The following ABCA13 variants were observed in gnomAD, a reference collection of about 807,000 sequenced individuals.
ABCA13 encodes ATP-binding cassette sub-family A member 13.
In ABCA13, 476 loss-of-function variants were observed where a neutral mutation model predicts 478.7. The ratio of observed to expected loss-of-function variants is 0.99; its 90% CI spans 0.92 to 1.07. ABCA13 has a LOEUF of 1.07. Among genes scored for constraint, ABCA13 ranks in the 50% least tolerant of loss-of-function variants. ABCA13 has a pLI of 0.00. For synonymous variants in ABCA13, 2,252 were observed against 2,158.9 expected, an observed-to-expected ratio of 1.04 and a Z score of -1.20; for missense variants, 6,060 against 5,910.6, an observed-to-expected ratio of 1.03 and a Z score of -0.83.
chr7:48,627,018 T>C (rs2131618457), intron 59 of ABCA13: 1 of 985,460 alleles, frequency 1.0e-6, no homozygotes, highest in South Asian at 4.7e-5. Flanking sequence ...TTATAAACTC[T>C]GAAGTAGAGT....
chr7:48,623,890 G>A (rs1011073100), intron 59 of ABCA13, among the ~76,000 whole-genome samples: 2 of 152,172 alleles, frequency 1.3e-5, no homozygotes, highest in South Asian at 4.1e-4. Context: ...GAAGCCTGCA[G>A]CCTCACTTAT....
At position 48,273,878 on chromosome 7, in the gene ABCA13, G is replaced by A; in HGVS notation, c.4212G>A (p.Leu1404=). 1 of 1,612,576 alleles carries A rather than the reference G, an allele frequency of 6.2e-7. No homozygotes were observed. The highest frequency in any genetic ancestry group is 1.1e-5 in the South Asian group (1 of 90,988). ...TATGGTTAGATGTCATAAACCATTT[G>A]TATTTGTTGTCTAACTCCAGTTTTT... ...CIVWLDVINH[L]YLLSNSSFSQ... is the part of the protein sequence containing the mutation. Residue 1404 remains leucine, a synonymous_variant, in exon 17 of 62, where the codon TTG becomes TTA. Transcript: ENST00000435803.
At chr7:48,334,096 A>G (rs770296135) in intron 27 of ABCA13, among the ~76,000 whole-genome samples, 2 of 152,032 alleles carry the variant, frequency 1.3e-5, no homozygotes, top group Non-Finnish European at 1.5e-5. Flanking sequence ...AATGTGAGGT[A>G]TTTTGGCTGG....
chr7:48,329,142 A>G (rs1444598275), intron 27 of ABCA13, among the ~76,000 whole-genome samples: 2 of 152,212 alleles, frequency 1.3e-5, no homozygotes, highest in Admixed American at 6.5e-5. Context: ...AAGAACGTGG[A>G]TAGTATGAGT....
chr7:48,380,781 A>G (rs1487053565), intron 35 of ABCA13, among the ~76,000 whole-genome samples: 1 of 152,142 alleles, frequency 6.6e-6, no homozygotes. Context: ...TGTTCCTTCC[A>G]GGGATAGCCA....
chr7:48,240,474 A>C (rs1300917511), intron 9 of ABCA13, among the ~76,000 whole-genome samples: 1 of 152,242 alleles, frequency 6.6e-6, no homozygotes, highest in Non-Finnish European at 1.5e-5. Flanking sequence ...GTGTCGTAAA[A>C]TGACACTTAG....
At chr7:48,619,373 A>G (rs1460110207) in intron 59 of ABCA13, among the ~76,000 whole-genome samples, 6 of 152,148 alleles carry the variant, frequency 3.9e-5, no homozygotes, top group African/African-American at 1.4e-4. Context: ...ATGTCTATCC[A>G]TTGATATCAA....
At position 48,272,661 on chromosome 7, in the gene ABCA13, A is replaced by T; in HGVS notation, c.2995A>T (p.Ile999Leu). 1 of 1,613,162 alleles carries T rather than the reference A, an allele frequency of 6.2e-7. No individual in the cohort carries two copies. Among genetic ancestry groups the T allele is most frequent in the Non-Finnish European group, 8.5e-7 (1 of 1,179,464 alleles). ...TQISKHILDI[I>L]KQFNFQNISK... ...AATCTCAAAACACATTTTGGATATC[A>T]TAAAACAATTTAATTTCCAAAACAT... Residue 999 changes from isoleucine (I) to leucine (L), a missense_variant, in exon 17 of 62, where the codon ATA becomes TTA. Ile to Leu is a conservative substitution (Grantham distance 5, BLOSUM62 2). Coordinates refer to ENST00000435803, the MANE Select transcript of ABCA13 (RefSeq NM_152701.5).
chr7:48,373,220 C>T (rs994298915), intron 33 of ABCA13, among the ~76,000 whole-genome samples: 2 of 152,100 alleles, frequency 1.3e-5, no homozygotes, highest in African/African-American at 4.8e-5. Context: ...GAGTCATTAA[C>T]AGAGACTTTG....
In ABCA13 at chr7:48,600,360, T is replaced by C. The variant is rs533137480; in HGVS notation, c.14744+5547T>C. On this transcript the variant is annotated intron_variant, in intron 58 of 61. Coordinates refer to ENST00000435803, the MANE Select transcript of ABCA13 (RefSeq NM_152701.5). ...TATAGTTGGATATTGTTTTTTTTTT[T>C]CCCAATCTGACAATGTCTGCCTTTT... 2.2e-3 allele frequency among the ~76,000 whole-genome samples: 329 copies of C among 152,150 alleles called. 2 individuals carry two copies. Among genetic ancestry groups the C allele is most frequent in the African/African-American group, 7.5e-3 (310 of 41,518 alleles).
At chr7:48,456,076 A>C (rs963896028) in intron 43 of ABCA13, among the ~76,000 whole-genome samples, 6 of 152,254 alleles carry the variant, frequency 3.9e-5, no homozygotes, top group Non-Finnish European at 8.8e-5. Context: ...ATCGTCTTCA[A>C]GGTGGCTACA....
chr7:48,201,748 C>T (rs533163751), intron 3 of ABCA13, among the ~76,000 whole-genome samples: 2 of 152,294 alleles, frequency 1.3e-5, no homozygotes, highest in African/African-American at 4.8e-5. Flanking sequence ...AGGCAAATAT[C>T]ACAGTTAATT....
intron 48 of ABCA13, among the ~76,000 whole-genome samples, chr7:48,495,211 A>T (rs1830172332): frequency 6.6e-6 from 1 of 152,228 alleles, no homozygotes; most frequent in South Asian, 2.1e-4. Flanking sequence ...CAAAGCTATG[A>T]GTCAAAGCAC....
intron 42 of ABCA13, among the ~76,000 whole-genome samples, chr7:48,436,446 G>A (rs966420056): frequency 3.3e-5 from 5 of 151,354 alleles, no homozygotes; most frequent in Admixed American, 2.0e-4. Context: ...TATCTATTCC[G>A]TTTATCTTTT....
chr7:48,460,409 G>A (rs929095052), intron 43 of ABCA13, among the ~76,000 whole-genome samples: 4 of 152,096 alleles, frequency 2.6e-5, no homozygotes, highest in African/African-American at 7.2e-5. Flanking sequence ...GGCTGCCAGC[G>A]ATCCCTGACA....
At chr7:48,278,070 G>GTATATATATA (rs59259655) in intron 17 of ABCA13, 24 bp from the exon 18 acceptor site, 16 of 768,004 alleles carry the variant, frequency 2.1e-5, no homozygotes, top group Middle Eastern at 4.6e-4. Context: ...TAAATTAAAA[G>GTATATATATA]TATATATATA....
intron 55 of ABCA13, among the ~76,000 whole-genome samples, chr7:48,537,364 T>A (rs183405494): frequency 2.6e-5 from 4 of 152,330 alleles, no homozygotes; most frequent in Admixed American, 2.0e-4. Context: ...GTTGTTATTC[T>A]CTAAATGATG....
chr7:48,533,156 A>G (rs1336466999), intron 55 of ABCA13, among the ~76,000 whole-genome samples: 3 of 152,054 alleles, frequency 2.0e-5, no homozygotes, highest in Non-Finnish European at 4.4e-5. Context: ...TCCTTTTAGC[A>G]TTGCCTTTGC....
Position 48,409,346 on chromosome 7 carries a change from T to C in ABCA13, c.12071-1174T>C, listed in dbSNP as rs190931203. 3.3e-4 allele frequency among the ~76,000 whole-genome samples: 51 copies of C among 152,332 alleles called. 1 individual carries two copies. The East Asian group carries it at 6.9e-3, about 21-fold the overall frequency. On this transcript the variant is annotated intron_variant, in intron 39 of 61. Coordinates refer to ENST00000435803, the MANE Select transcript of ABCA13 (RefSeq NM_152701.5). ...TGCTAAAGCTAAATCTGAGGCTTCT[T>C]CTTTACAAGCAAAAGTCGTAAAACT... is the stretch of plus-strand genomic sequence containing the variant.
Sources: gnomAD v4.1 joint callset for allele counts (sites outside exome capture counted in the v4.1 genomes callset) on GRCh38, gnomAD v4.1.1 for gene constraint, MANE v1.5 for transcripts, NCBI Gene and HGNC (gene_info 2026-07-23, HGNC 2026-07-21) for gene names.